The following MAP2K6 variants were observed in gnomAD, a reference collection of about 807,000 sequenced individuals.
The protein encoded by MAP2K6 is dual specificity mitogen-activated protein kinase kinase 6.
MAP2K6 carries 16 observed loss-of-function variants against 53.7 expected under a neutral mutation model. The observed-to-expected ratio is 0.30, with a 90% CI of 0.20 to 0.45. MAP2K6 has a LOEUF of 0.45. Among genes scored for constraint, MAP2K6 ranks in the 20% least tolerant of loss-of-function variants. The pLI is 1.00. For missense variants in MAP2K6, 204 were observed against 411.9 expected, an observed-to-expected ratio of 0.50 and a Z score of 4.37; for synonymous variants, 132 against 143.1, an observed-to-expected ratio of 0.92 and a Z score of 0.55.
intron 1 of MAP2K6, among the ~76,000 whole-genome samples, chr17:69,497,872 G>T (rs1337389358): frequency 3.9e-5 from 6 of 152,114 alleles, no homozygotes; most frequent in Admixed American, 1.3e-4. Context: ...AAGACATACA[G>T]TATAACAAAC....
At chr17:69,523,484 T>C (rs1448777026) in intron 7 of MAP2K6, 30 bp from the exon 8 acceptor site, 1 of 1,610,896 alleles carries the variant, frequency 6.2e-7, no homozygotes, top group African/African-American at 1.3e-5. Context: ...CAGGCTGAAA[T>C]GATGGCATCC....
At chr17:69,428,858 G>GTT (rs944503966) in intron 1 of MAP2K6, among the ~76,000 whole-genome samples, 4 of 77,618 alleles carry the variant, frequency 5.2e-5, no homozygotes, top group African/African-American at 1.7e-4. Context: ...TTCTGTTTTT[G>GTT]TTTTTGTTTT....
chr17:69,512,339 G>GTTTTTTTTTTTTTT (rs746993199), intron 2 of MAP2K6, among the ~76,000 whole-genome samples: 1 of 82,134 alleles, frequency 1.2e-5, no homozygotes, highest in African/African-American at 5.2e-5. Context: ...TTTTTTTTTT[G>GTTTTTTTTTTTTTT]TTTTTTTTTT....
intron 6 of MAP2K6, 144 bp from the exon 7 acceptor site, chr17:69,520,905 G>T: frequency 1.7e-6 from 1 of 585,038 alleles, no homozygotes; most frequent in Non-Finnish European, 3.0e-6. Context: ...AACTTCCTAT[G>T]TATTTTCCTA....
At chr17:69,516,599 A>T (rs1445268002) in intron 2 of MAP2K6, among the ~76,000 whole-genome samples, 1 of 152,090 alleles carries the variant, frequency 6.6e-6, no homozygotes, top group Non-Finnish European at 1.5e-5. Flanking sequence ...TTTAATACTC[A>T]CTCCTGCTTC....
chr17:69,551,948 C>A lies in MAP2K6; in HGVS notation c.*10195C>A, dbSNP rs1182952446. On this transcript the variant is annotated 3_prime_UTR_variant, in exon 12 of 12. Coordinates refer to ENST00000590474, the MANE Select transcript of MAP2K6 (RefSeq NM_002758.4). ...ACTAGAATTTCTTTATGGAATTGAA[C>A]TTTACAAGAATTTTAATAAAAGAGG... 1 of 152,136 alleles carries A rather than the reference C, an allele frequency of 6.6e-6. No homozygotes were observed. Among genetic ancestry groups the A allele is most frequent in the Non-Finnish European group, 1.5e-5 (1 of 68,018 alleles). The allele number at this position is 152,136 out of a possible 1,614,324, so 9.4% of individuals were successfully genotyped here.
chr17:69,507,863 A>G (rs912638964), intron 2 of MAP2K6, among the ~76,000 whole-genome samples: 1 of 152,112 alleles, frequency 6.6e-6, no homozygotes, highest in Non-Finnish European at 1.5e-5. Flanking sequence ...GCTGGGTTAT[A>G]TGGTAAGCCC....
Position 69,417,828 on chromosome 17 carries a change from C to T in MAP2K6, c.16+2828C>T, listed in dbSNP as rs185437190. Among the ~76,000 whole-genome samples the T allele has an allele frequency of 5.6e-4, 86 of 152,258 alleles. 1 individual carries two copies. Among genetic ancestry groups the T allele is most frequent in the South Asian group, 8.3e-4 (4 of 4,822 alleles). ...GGGAGGTAGGGAGATCTGGCATCCC[C>T]CAGTTCACCTGAAAATACACAAAAA... On this transcript the variant is annotated intron_variant, in intron 1 of 11. Coordinates refer to ENST00000590474, the MANE Select transcript of MAP2K6 (RefSeq NM_002758.4).
intron 1 of MAP2K6, among the ~76,000 whole-genome samples, chr17:69,440,983 T>C (rs1233720340): frequency 6.6e-6 from 1 of 152,202 alleles, no homozygotes; most frequent in African/African-American, 2.4e-5. Flanking sequence ...TGCGTGAGTG[T>C]GTATATATGT....
intron 1 of MAP2K6, among the ~76,000 whole-genome samples, chr17:69,427,844 C>T (rs1320634210): frequency 6.6e-6 from 1 of 152,164 alleles, no homozygotes; most frequent in Non-Finnish European, 1.5e-5. Flanking sequence ...TAGAGGAAAA[C>T]AATGCAGATT....
At chr17:69,459,889 C>T (rs765117142) in intron 1 of MAP2K6, among the ~76,000 whole-genome samples, 2 of 150,090 alleles carry the variant, frequency 1.3e-5, no homozygotes, top group East Asian at 3.9e-4. Context: ...TTCCCTTTCT[C>T]CCTCCCTTTC....
chr17:69,527,874 G>C (rs1818660648), intron 10 of MAP2K6, among the ~76,000 whole-genome samples: 1 of 152,160 alleles, frequency 6.6e-6, no homozygotes. Flanking sequence ...CCAGTACTTT[G>C]GGAGGCCAAG....
rs145988250 is a variant in MAP2K6, at chr17:69,476,388, C to T, written c.17-29392C>T. 2.5e-3 allele frequency among the ~76,000 whole-genome samples: 379 copies of T among 152,314 alleles called. 1 individual carries two copies. The highest frequency in any genetic ancestry group is 8.6e-3 in the African/African-American group (357 of 41,568). On this transcript the variant is annotated intron_variant, in intron 1 of 11. Coordinates refer to ENST00000590474, the MANE Select transcript of MAP2K6 (RefSeq NM_002758.4). ...GCGTGAATCAAGGTGATACTGGAATCGCAGATTGTGTTTCTCAGGCTAGTC... is the reference window on the plus strand; with the variant it reads ...GCGTGAATCAAGGTGATACTGGAATTGCAGATTGTGTTTCTCAGGCTAGTC...
chr17:69,521,318 C>G (rs1910454991), intron 7 of MAP2K6: 2 of 423,536 alleles, frequency 4.7e-6, no homozygotes, highest in Non-Finnish European at 8.4e-6. Flanking sequence ...TGTCTTACAT[C>G]CAAATTGAAT....
chr17:69,553,863 G>A lies in MAP2K6; in HGVS notation c.*12110G>A, dbSNP rs528780622. 12 of 152,304 alleles carry A rather than the reference G, an allele frequency of 7.9e-5. No homozygotes were observed. The highest frequency in any genetic ancestry group is 2.6e-4 in the Admixed American group (4 of 15,296). 9.4% of individuals were successfully genotyped at this position (152,304 alleles called of 1,614,324 possible). A position where few individuals can be genotyped will look rare whatever the true frequency, so the allele number is the denominator to read the frequency against. On this transcript the variant is annotated 3_prime_UTR_variant, in exon 12 of 12. Coordinates refer to ENST00000590474, the MANE Select transcript of MAP2K6 (RefSeq NM_002758.4). Reference sequence around the variant, plus strand: ...ACCAATAAAAGACATTTTAAAAAGCGTAGTGAGTCTGTACATTAATTGAGT... The same window carrying A: ...ACCAATAAAAGACATTTTAAAAAGCATAGTGAGTCTGTACATTAATTGAGT...
intron 1 of MAP2K6, among the ~76,000 whole-genome samples, chr17:69,422,478 T>G (rs1299832906): frequency 6.6e-6 from 1 of 152,164 alleles, no homozygotes; most frequent in Non-Finnish European, 1.5e-5. Context: ...AAGCATTAAA[T>G]AAGCATTTGC....
At chr17:69,453,277 A>G (rs1200103330) in intron 1 of MAP2K6, among the ~76,000 whole-genome samples, 1 of 152,220 alleles carries the variant, frequency 6.6e-6, no homozygotes, top group East Asian at 1.9e-4. Context: ...AAAATTTTGC[A>G]GGCCATACAG....
intron 1 of MAP2K6, among the ~76,000 whole-genome samples, chr17:69,501,241 G>C (rs922339959): frequency 6.6e-6 from 1 of 152,052 alleles, no homozygotes; most frequent in Non-Finnish European, 1.5e-5. Context: ...CCCAACCCTC[G>C]GCCAAGCTAA....
chr17:69,416,432 G>A (rs1280833935), intron 1 of MAP2K6, among the ~76,000 whole-genome samples: 1 of 152,188 alleles, frequency 6.6e-6, no homozygotes, highest in African/African-American at 2.4e-5. Flanking sequence ...TCCTTATTGA[G>A]TAGAGAAATA....
Sources: allele counts gnomAD v4.1 joint callset (sites outside exome capture counted in the v4.1 genomes callset), GRCh38; gene constraint gnomAD v4.1.1; transcripts MANE v1.5; gene names NCBI Gene and HGNC (gene_info 2026-07-23, HGNC 2026-07-21).